UGT1A6: variants seen among roughly 807,000 people sequenced by gnomAD.
The protein encoded by UGT1A6 is UDP glucuronosyltransferase family 1 member A6.
Under a neutral mutation model 44.4 loss-of-function variants are expected in UGT1A6, and 32 were observed. The observed-to-expected ratio is 0.72, with a 90% CI of 0.54 to 0.97. UGT1A6 has a LOEUF of 0.97. Ranked by LOEUF, UGT1A6 falls within the 50% of genes least tolerant of loss-of-function variation. The probability of loss-of-function intolerance (pLI) is 0.00; values close to 1 mark genes in which losing one functional copy is unlikely to be tolerated. For synonymous variants in UGT1A6, 238 were observed against 248.5 expected (o/e 0.96, Z 0.40); for missense variants, 685 against 661.9 (o/e 1.03, Z -0.38).
intron 1 of UGT1A6, chr2:233,760,655 T>C (rs1293428675): frequency 1.9e-6 from 3 of 1,614,216 alleles, no homozygotes; most frequent in South Asian, 2.2e-5. Flanking sequence ...TCTGCTATGC[T>C]TTTGTCTGGC....
chr2:233,719,078 G>A, intron 1 of UGT1A6: 11 of 1,614,254 alleles, frequency 6.8e-6, no homozygotes, highest in Non-Finnish European at 9.3e-6. Context: ...CATGGACCCA[G>A]AAGGAATTTG....
chr2:233,697,058 G>A (rs1287604858), intron 1 of UGT1A6, among the ~76,000 whole-genome samples: 1 of 151,826 alleles, frequency 6.6e-6, no homozygotes, highest in African/African-American at 2.4e-5. Context: ...TTGTGTCCTT[G>A]TCTGGTTTTG....
intron 1 of UGT1A6, among the ~76,000 whole-genome samples, chr2:233,724,860 T>G (rs1312826202): frequency 3.2e-5 from 4 of 126,790 alleles, no homozygotes; most frequent in Non-Finnish European, 6.4e-5. Flanking sequence ...CTGGGAGGTG[T>G]AGGTTGTAGT....
At chr2:233,747,862 C>T in intron 1 of UGT1A6, 1 of 1,613,544 alleles carries the variant, frequency 6.2e-7, no homozygotes, top group Non-Finnish European at 8.5e-7. Context: ...ATGCTCTACC[C>T]TCTGGCCCTG....
In UGT1A6 at chr2:233,693,818, G is replaced by A. The variant is rs766165182; in HGVS notation, c.814G>A (p.Val272Ile). Residue 272 changes from valine (V) to isoleucine (I), a missense_variant, in exon 1 of 5, where the codon GTC becomes ATC. Transcript: ENST00000305139. ...TCCTAGGCCGGTCATGCCCAACATG[G>A]TCTTCATTGGAGGTATCAACTGTAA... is the stretch of plus-strand genomic sequence containing the variant. ...EYPRPVMPNM[V>I]FIGGINCKKR... 6.2e-7 allele frequency: 1 copy of A among 1,614,200 alleles called. No individual in the cohort carries two copies. The highest frequency in any genetic ancestry group is 2.2e-5 in the East Asian group (1 of 44,888).
At chr2:233,726,448 G>A (rs566259784) in intron 1 of UGT1A6, among the ~76,000 whole-genome samples, 1 of 152,244 alleles carries the variant, frequency 6.6e-6, no homozygotes, top group East Asian at 1.9e-4. Flanking sequence ...TCTTTCCACT[G>A]AATGTAAGCT....
intron 1 of UGT1A6, chr2:233,747,579 G>A (rs1304501240): frequency 1.5e-5 from 24 of 1,582,358 alleles, no homozygotes; most frequent in Non-Finnish European, 2.0e-5. Context: ...TTCATCTTTG[G>A]TCTTTCATAG....
intron 1 of UGT1A6, among the ~76,000 whole-genome samples, chr2:233,700,666 G>A (rs2075579039): frequency 6.6e-6 from 1 of 151,920 alleles, no homozygotes; most frequent in Non-Finnish European, 1.5e-5. Flanking sequence ...CTACTTTTCA[G>A]CACAAATTCG....
intron 4 of UGT1A6, chr2:233,771,063 C>A (rs913473960): frequency 6.6e-6 from 1 of 152,106 alleles, no homozygotes; most frequent in Non-Finnish European, 1.5e-5. Context: ...ATGACCGGCT[C>A]TCACAATAAC....
chr2:233,767,285 T>C (rs1440125583), intron 2 of UGT1A6, 120 bp downstream of exon 2: 1 of 1,569,258 alleles, frequency 6.4e-7, no homozygotes, highest in Non-Finnish European at 8.6e-7. Flanking sequence ...CCCTGCCACT[T>C]CCCAACTATT....
chr2:233,729,060 A>G (rs1266592558), intron 1 of UGT1A6: 4 of 1,610,542 alleles, frequency 2.5e-6, no homozygotes, highest in Non-Finnish European at 3.4e-6. Flanking sequence ...GGTAATTAAG[A>G]TGAAGAAAGC....
At position 233,767,889 on chromosome 2, in the gene UGT1A6, C is replaced by A; in HGVS notation, c.1034C>A (p.Ala345Glu). The A allele has an allele frequency of 2.5e-6, 4 of 1,614,136 alleles. No individual in the cohort carries two copies. Among genetic ancestry groups the A allele is most frequent in the Non-Finnish European group, 3.4e-6 (4 of 1,180,034 alleles). ...ACTGGAACCCGACCATCGAATCTTG[C>A]GAACAACACGATACTTGTTAAGTGG... ...RYTGTRPSNLANNTILVKWLP... is the reference protein window; with the variant it reads ...RYTGTRPSNLENNTILVKWLP... Residue 345 changes from alanine (A) to glutamate (E), a missense_variant, in exon 3 of 5, where the codon GCG becomes GAG. Physicochemically the swap from Ala to Glu is moderately radical, Grantham distance 107. Transcript: ENST00000305139.
rs1443134850 is a variant in UGT1A6, at chr2:233,719,013, G to A, written c.861+25148G>A. 5 of 1,614,222 alleles carry A rather than the reference G, an allele frequency of 3.1e-6. No homozygotes were observed. The African/African-American group carries it at 5.3e-5, about 17-fold the overall frequency. On this transcript the variant is annotated intron_variant, in intron 1 of 4. Transcript: ENST00000305139. ...CCAGGCGGTGGTCCTCACCCCAGAG[G>A]TGAATATGCACATCAAAGAAGAGAA... is the stretch of plus-strand genomic sequence containing the variant.
At chr2:233,755,474 T>TCTGTGAGGCC (rs1294746621) in intron 1 of UGT1A6, 2 of 236,996 alleles carry the variant, frequency 8.4e-6, no homozygotes, top group African/African-American at 4.6e-5. Context: ...TCTGTGAGGC[T>TCTGTGAGGCC]CTGTGAGGCC....
At position 233,769,494 on chromosome 2, in the gene UGT1A6, A is replaced by C. The variant is rs761998450; in HGVS notation, c.1301+1055A>C. On this transcript the variant is annotated intron_variant, in intron 4 of 4. Coordinates refer to ENST00000305139, the MANE Select transcript of UGT1A6 (RefSeq NM_001072.4). The surrounding 1 kb of genome is among the most constrained non-coding windows in gnomAD (Gnocchi z 4.4). Reference sequence around the variant, plus strand: ...GTGTGTGTGTGCGTGTGTTTATGAGAGTGTCCATTGCTTTCTCCCATGGTT... The same window carrying C: ...GTGTGTGTGTGCGTGTGTTTATGAGCGTGTCCATTGCTTTCTCCCATGGTT... 1.9e-6 allele frequency: 3 copies of C among 1,612,660 alleles called. No individual in the cohort carries two copies. Among genetic ancestry groups the C allele is most frequent in the South Asian group, 2.2e-5 (2 of 91,046 alleles).
At chr2:233,742,936 C>T (rs78644424) in intron 1 of UGT1A6, 5,022 of 211,572 alleles carry the variant, frequency 0.024, 84 homozygotes, top group Non-Finnish European at 0.03. Flanking sequence ...ACATTCTGTC[C>T]TACCACTAGC....
At position 233,725,271 on chromosome 2, in the gene UGT1A6, GAGGCAGAGGCAGAGGCA is replaced by G. The variant is rs1559370545; in HGVS notation, c.861+31407_861+31423del. ...AGAGGAGGCAGAGGCAGAGGAGGCAGAGGCAGAGGCAGAGGCAGAGGCAGAGGCAGAGGCAGAGGCAG... is the reference window on the plus strand; with the variant it reads ...AGAGGAGGCAGAGGCAGAGGAGGCAGGAGGCAGAGGCAGAGGCAGAGGCAG... On this transcript the variant is annotated intron_variant, in intron 1 of 4. Coordinates refer to ENST00000305139, the MANE Select transcript of UGT1A6 (RefSeq NM_001072.4). 2.2e-4 allele frequency among the ~76,000 whole-genome samples: 9 copies of G among 41,180 alleles called. 2 individuals are homozygous for G. The East Asian group carries it at 5.2e-3, about 24-fold the overall frequency. 27.0% of individuals were successfully genotyped at this position (41,180 alleles called of 152,430 possible). A position where few individuals can be genotyped will look rare whatever the true frequency, so the allele number is the denominator to read the frequency against.
At chr2:233,695,394 G>A (rs1244656271) in intron 1 of UGT1A6, among the ~76,000 whole-genome samples, 1 of 151,138 alleles carries the variant, frequency 6.6e-6, no homozygotes, top group African/African-American at 2.4e-5. Context: ...AAAGTGCTGG[G>A]ATTACAGGCG....
chr2:233,727,332 T>C (rs2077605990), intron 1 of UGT1A6, among the ~76,000 whole-genome samples: 1 of 152,122 alleles, frequency 6.6e-6, no homozygotes, highest in South Asian at 2.1e-4. Flanking sequence ...CAGGAGCTCC[T>C]CCCTCCCCAT....
Sources: gnomAD v4.1 joint callset for allele counts (sites outside exome capture counted in the v4.1 genomes callset) on GRCh38, gnomAD v4.1.1 for gene constraint, Gnocchi (gnomAD v3.1) non-coding constraint, MANE v1.5 for transcripts, NCBI Gene and HGNC (gene_info 2026-07-23, HGNC 2026-07-21) for gene names.